Variants in CCAR1 observed in about 807,000 individuals in gnomAD.
CCAR1 encodes cell division cycle and apoptosis regulator protein 1.
CCAR1 carries 78 observed loss-of-function variants against 163.8 expected under a neutral mutation model. That is an observed-to-expected ratio of 0.48 (90% CI 0.40 to 0.57). The LOEUF (loss-of-function observed/expected upper bound fraction) is 0.57. Among genes scored for constraint, CCAR1 ranks in the 20% least tolerant of loss-of-function variants. The pLI, the probability that CCAR1 is intolerant of heterozygous loss-of-function variation, is 0.00. For missense variants in CCAR1, 1,019 were observed against 1,365.2 expected (o/e 0.75, Z 4.00); for synonymous variants, 443 against 460.7 (o/e 0.96, Z 0.49).
chr10:68,762,319 A>G (rs1564543730), intron 16 of CCAR1, among the ~76,000 whole-genome samples: 4 of 130,232 alleles, frequency 3.1e-5, no homozygotes. Context: ...ACAGAGTGAG[A>G]CTCTGTCTAA....
At chr10:68,739,867 C>T (rs1443121542) in intron 4 of CCAR1, among the ~76,000 whole-genome samples, 1 of 152,174 alleles carries the variant, frequency 6.6e-6, no homozygotes, top group Non-Finnish European at 1.5e-5. Flanking sequence ...TTTTGAATTA[C>T]AACCTCATAC....
chr10:68,722,650 G>A (rs2055876071), intron 2 of CCAR1, 73 bp downstream of exon 2: 1 of 1,195,736 alleles, frequency 8.4e-7, no homozygotes, highest in Non-Finnish European at 1.2e-6. Context: ...TAGGGCCGGG[G>A]GTGGTGGCTC....
At chr10:68,742,606 A>G (rs989583933) in intron 6 of CCAR1, 37 bp downstream of exon 6, 4 of 1,499,494 alleles carry the variant, frequency 2.7e-6, no homozygotes, top group African/African-American at 2.8e-5. Flanking sequence ...GGCTTCTTGC[A>G]TTTACCACAA....
chr10:68,770,719 G>C (rs1322205377), intron 17 of CCAR1, among the ~76,000 whole-genome samples: 2 of 152,036 alleles, frequency 1.3e-5, no homozygotes, highest in Non-Finnish European at 2.9e-5. Flanking sequence ...CTCCAGTTTG[G>C]GTGACAGAGG....
chr10:68,772,861 A>G (rs2056620273), intron 18 of CCAR1, 127 bp from the exon 19 acceptor site: 1 of 412,684 alleles, frequency 2.4e-6, no homozygotes, highest in Admixed American at 4.5e-5. Flanking sequence ...CTATAATCCT[A>G]GCCCTTCAGA....
Position 68,756,344 on chromosome 10 carries a change from T to C in CCAR1, c.1697T>C (p.Val566Ala). The change falls in exon 14 of 25, where the codon GTG becomes GCG. Residue 566 changes from valine (V) to alanine (A), a missense_variant. Around this residue, in one of 4 missense-constraint regions of CCAR1, gnomAD observed 644 missense variants for 904.4 expected, o/e 0.71. Coordinates refer to ENST00000265872, the MANE Select transcript of CCAR1 (RefSeq NM_018237.4). This position sits in a 1 kb window ranked among gnomAD's most constrained non-coding sequence, Gnocchi z 5.1. ...AAGGGGCGTACAGTTCCAGCTCATG[T>C]GGAGACAGTGGTTTTATTTTTCCCG... ...THKGRTVPAH[V>A]ETVVLFFPDV... 2 of 1,614,164 alleles carry C rather than the reference T, an allele frequency of 1.2e-6. No individual in the cohort carries two copies. Among genetic ancestry groups the C allele is most frequent in the Non-Finnish European group, 1.7e-6 (2 of 1,180,028 alleles).
chr10:68,739,297 A>G (rs1181964190), intron 4 of CCAR1, among the ~76,000 whole-genome samples: 1 of 152,098 alleles, frequency 6.6e-6, no homozygotes, highest in African/African-American at 2.4e-5. Flanking sequence ...TTACAGGTGC[A>G]TGCCACTAGG....
At chr10:68,783,760 C>T (rs1293288847) in intron 19 of CCAR1, among the ~76,000 whole-genome samples, 1 of 151,452 alleles carries the variant, frequency 6.6e-6, no homozygotes, top group Non-Finnish European at 1.5e-5. Context: ...TGATTGTTTG[C>T]TGCTTTTTTT....
intron 5 of CCAR1, among the ~76,000 whole-genome samples, chr10:68,740,886 TA>T (rs2056174483): frequency 3.4e-5 from 4 of 116,338 alleles, no homozygotes; most frequent in Non-Finnish European, 5.4e-5. Context: ...GGTTTTATTT[TA>T]TTTATTTATT....
At chr10:68,774,150 C>T (rs2056635099) in intron 19 of CCAR1, among the ~76,000 whole-genome samples, 1 of 151,848 alleles carries the variant, frequency 6.6e-6, no homozygotes, top group African/African-American at 2.4e-5. Context: ...CCTCGGCCTC[C>T]CAATGTGCTG....
In CCAR1 at chr10:68,749,227, CAG is replaced by C; in HGVS notation, c.921_922del (p.Asp309SerfsTer4). 1.2e-6 allele frequency: 2 copies of C among 1,612,898 alleles called. No individual in the cohort carries two copies. The highest frequency in any genetic ancestry group is 1.7e-6 in the Non-Finnish European group (2 of 1,179,760). On this transcript the variant is annotated frameshift_variant, in exon 9 of 25. Coordinates refer to ENST00000265872, the MANE Select transcript of CCAR1 (RefSeq NM_018237.4). ...CATCCCGATTTTCAGGAAGAAATGA[CAG>C]AGGGGATCAAGTGCCTAACAGAAAA... is the stretch of plus-strand genomic sequence containing the variant. ...PPSRFSGRND[R>X]GDQVPNRKDD...
At chr10:68,754,099 G>A in intron 11 of CCAR1, 22 bp downstream of exon 11, 2 of 1,476,856 alleles carry the variant, frequency 1.4e-6, no homozygotes, top group East Asian at 2.3e-5. Context: ...GCTGTGATAT[G>A]CAGCTTAAAT....
Position 68,739,460 on chromosome 10 carries a change from T to C in CCAR1, c.292-1169T>C, listed in dbSNP as rs114637037. ...CACTGCGCCCAGCCTCATTCTTTTT[T>C]TTATGGCTGCAGAGGCTTCTCAATT... On this transcript the variant is annotated intron_variant, in intron 4 of 24. Coordinates refer to ENST00000265872, the MANE Select transcript of CCAR1 (RefSeq NM_018237.4). Among the ~76,000 whole-genome samples the C allele has an allele frequency of 2.9e-3, 435 of 152,278 alleles. 7 individuals carry two copies. Among genetic ancestry groups the C allele is most frequent in the African/African-American group, 9.8e-3 (409 of 41,562 alleles).
At chr10:68,776,376 C>T (rs2056667636) in intron 19 of CCAR1, among the ~76,000 whole-genome samples, 1 of 151,664 alleles carries the variant, frequency 6.6e-6, no homozygotes, top group African/African-American at 2.4e-5. Flanking sequence ...CCAGCCTAGC[C>T]AACATATTGA....
chr10:68,766,176 G>T, intron 17 of CCAR1, 97 bp downstream of exon 17: 4 of 800,106 alleles, frequency 5.0e-6, no homozygotes, highest in East Asian at 2.8e-5. Context: ...TTTGTTTTTC[G>T]CTTTTCGTGG....
intron 15 of CCAR1, among the ~76,000 whole-genome samples, chr10:68,758,470 G>A (rs1356846256): frequency 1.3e-5 from 2 of 150,840 alleles, no homozygotes; most frequent in Non-Finnish European, 3.0e-5. Context: ...TGGGCAGATC[G>A]CTTGAGTCCA....
In CCAR1 at chr10:68,753,895, T is replaced by A; in HGVS notation, c.1162T>A (p.Leu388Met). ...GGAACTAAGGCGCCGTTATCAAAAT[T>A]TGTATATACCTAGTGACTTTTTTGA... ...MMELRRRYQN[L>M]YIPSDFFDAQ... Residue 388 changes from leucine to methionine, a missense_variant, in exon 11 of 25, where the codon TTG (leucine) becomes ATG (methionine). Around this residue, in one of 4 missense-constraint regions of CCAR1, gnomAD observed 644 missense variants for 904.4 expected, o/e 0.71. Transcript: ENST00000265872. 6.2e-7 allele frequency: 1 copy of A among 1,614,092 alleles called. No homozygotes were observed. Among genetic ancestry groups the A allele is most frequent in the Non-Finnish European group, 8.5e-7 (1 of 1,179,962 alleles).
chr10:68,759,087 G>A (rs1234224270), intron 15 of CCAR1, among the ~76,000 whole-genome samples: 2 of 150,996 alleles, frequency 1.3e-5, no homozygotes, highest in African/African-American at 2.5e-5. Flanking sequence ...TTCAACCCAA[G>A]GATACTGAAT....
intron 17 of CCAR1, among the ~76,000 whole-genome samples, chr10:68,770,666 T>C (rs1256627518): frequency 6.6e-6 from 1 of 151,762 alleles, no homozygotes; most frequent in Non-Finnish European, 1.5e-5. Flanking sequence ...TGGCTTGAAC[T>C]CGGGAAGCAG....
Sources: allele counts gnomAD v4.1 joint callset (sites outside exome capture counted in the v4.1 genomes callset), GRCh38; gene constraint gnomAD v4.1.1; regional missense constraint gnomAD v4.1.1; non-coding constraint Gnocchi (gnomAD v3.1); transcripts MANE v1.5; gene names NCBI Gene and HGNC (gene_info 2026-07-23, HGNC 2026-07-21).